The following MARF1 variants were observed in gnomAD, a reference collection of about 807,000 sequenced individuals.
MARF1 encodes the protein limkain-b1.
A neutral mutation model predicts 168.2 loss-of-function variants in MARF1; 24 were observed. The observed-to-expected ratio is 0.14, with a 90% CI of 0.10 to 0.20. The LOEUF is 0.20. Among genes scored for constraint, MARF1 ranks in the 10% least tolerant of loss-of-function variants. The pLI is 1.00. For synonymous variants in MARF1, 868 were observed against 822.4 expected, an observed-to-expected ratio of 1.06 and a Z score of -0.95; for missense variants, 1,744 against 2,143.6, an observed-to-expected ratio of 0.81 and a Z score of 3.68.
intron 5 of MARF1, among the ~76,000 whole-genome samples, chr16:15,633,169 A>T (rs1353972295): frequency 7.1e-6 from 1 of 140,094 alleles, no homozygotes; most frequent in Non-Finnish European, 1.5e-5. Context: ...AAAAAAAAAA[A>T]AAACACCACA....
At chr16:15,605,100 CTGG>C (rs1156784950) in intron 21 of MARF1, among the ~76,000 whole-genome samples, 2 of 152,242 alleles carry the variant, frequency 1.3e-5, no homozygotes, top group Non-Finnish European at 2.9e-5. Context: ...AAACACGCAT[CTGG>C]TGACTGAGCC....
chr16:15,603,341 C>G (rs1427852037), intron 22 of MARF1, among the ~76,000 whole-genome samples: 1 of 151,988 alleles, frequency 6.6e-6, no homozygotes, highest in Non-Finnish European at 1.5e-5. Context: ...CAGCCTAGAA[C>G]AGTATTTTTT....
At chr16:15,620,556 G>A (rs1229941647) in intron 12 of MARF1, 25 bp from the exon 13 acceptor site, 1 of 1,472,460 alleles carries the variant, frequency 6.8e-7, no homozygotes, top group African/African-American at 1.4e-5. Flanking sequence ...TTTGATTAGG[G>A]AACAGACCAT....
chr16:15,602,171 C>T lies in MARF1; in HGVS notation c.4446G>A (p.Val1482=), dbSNP rs746318439. ...CAAACAAATACAGACTTGTGAGCTT[C>T]ACACATTCTTCCATCTTATCATTAG... The part of the protein sequence containing the change: ...VFTNDKMEEC[V]KLTSLYLFAK... The change falls in exon 23 of 27, where the codon GTG becomes GTA. Residue 1482 remains valine, a synonymous_variant. Coordinates refer to ENST00000396368, the MANE Select transcript of MARF1 (RefSeq NM_014647.4). 6.2e-7 allele frequency: 1 copy of T among 1,614,146 alleles called. No homozygotes were observed.
intron 4 of MARF1, among the ~76,000 whole-genome samples, 167 bp from the exon 5 acceptor site, chr16:15,634,010 C>T (rs1484105579): frequency 6.6e-6 from 1 of 152,258 alleles, no homozygotes; most frequent in South Asian, 2.1e-4. Context: ...AGCAATCAAG[C>T]TGTCAAAAAG....
chr16:15,626,509 T>C (rs1385634753), intron 7 of MARF1, among the ~76,000 whole-genome samples: 1 of 152,202 alleles, frequency 6.6e-6, no homozygotes, highest in Non-Finnish European at 1.5e-5. Flanking sequence ...CTGGGAATAC[T>C]AGGAGCTATA....
rs190582651 is a variant in MARF1, at chr16:15,637,333, C to T, written c.145-991G>A. ...GGGGGCCCTGCTACAGTGACTGAGA[C>T]GTGCTCACCGTTCACAGCATATGAG... On this transcript the variant is annotated intron_variant, in intron 2 of 26. Coordinates refer to ENST00000396368, the MANE Select transcript of MARF1 (RefSeq NM_014647.4). 2.6e-4 allele frequency among the ~76,000 whole-genome samples: 39 copies of T among 152,344 alleles called. No individual in the cohort carries two copies. In the East Asian group the frequency reaches 6.0e-3, roughly 23 times the overall value.
chr16:15,615,306 G>A (rs536723480), intron 16 of MARF1, among the ~76,000 whole-genome samples: 1 of 151,920 alleles, frequency 6.6e-6, no homozygotes, highest in South Asian at 2.1e-4. Flanking sequence ...GAGCAGCCTG[G>A]ACAACACAGC....
At chr16:15,599,768 C>T (rs2032215180) in intron 25 of MARF1, among the ~76,000 whole-genome samples, 1 of 152,162 alleles carries the variant, frequency 6.6e-6, no homozygotes, top group East Asian at 1.9e-4. Context: ...AATATTAATG[C>T]ATTAGTATAT....
intron 1 of MARF1, 50 bp from the exon 2 acceptor site, chr16:15,639,341 AT>A: frequency 8.4e-7 from 1 of 1,193,352 alleles, no homozygotes; most frequent in Non-Finnish European, 1.2e-6. Flanking sequence ...ATAAGTACAA[AT>A]TTTACAACAT....
Position 15,633,690 on chromosome 16 carries a change from T to G in MARF1, c.1160A>C (p.Glu387Ala), listed in dbSNP as rs756715580. The G allele has an allele frequency of 6.2e-7, 1 of 1,614,092 alleles. No homozygotes were observed. The highest frequency in any genetic ancestry group is 8.5e-7 in the Non-Finnish European group (1 of 1,179,972). Reference sequence around the variant, plus strand: ...GTCACATACACAGATGAATTCTGCTTCTCTGTGGCCTTTAAAAAACTTCTC... The same window carrying G: ...GTCACATACACAGATGAATTCTGCTGCTCTGTGGCCTTTAAAAAACTTCTC... ...IREKFFKGHR[E>A]AEFICVCDIS... The change falls in exon 5 of 27, where the codon GAA (glutamate) becomes GCA (alanine). Residue 387 changes from glutamate to alanine, a missense_variant. Glu to Ala is a moderately radical substitution (Grantham distance 107, BLOSUM62 -1). This residue lies in a region of MARF1 where 217 missense variants were observed against 372.4 expected (regional missense o/e 0.58). Coordinates refer to ENST00000396368, the MANE Select transcript of MARF1 (RefSeq NM_014647.4).
chr16:15,639,013 G>T, intron 2 of MARF1, 77 bp downstream of exon 2: 1 of 1,435,512 alleles, frequency 7.0e-7, no homozygotes, highest in Non-Finnish European at 9.5e-7. Flanking sequence ...ATGAGAGACT[G>T]TATCCCAGAC....
intron 20 of MARF1, 171 bp from the exon 21 acceptor site, chr16:15,608,689 T>C: frequency 1.6e-6 from 1 of 607,684 alleles, no homozygotes; most frequent in East Asian, 2.7e-5. Context: ...TGCATAACAA[T>C]GTGAATGTGC....
chr16:15,618,153 G>A (rs761995246), intron 13 of MARF1, among the ~76,000 whole-genome samples: 1 of 152,128 alleles, frequency 6.6e-6, no homozygotes, highest in Non-Finnish European at 1.5e-5. Context: ...TGATGATAGC[G>A]CCTATCTCAC....
chr16:15,609,482 T>G, intron 20 of MARF1, 41 bp downstream of exon 20: 1 of 1,526,624 alleles, frequency 6.6e-7, no homozygotes, highest in Non-Finnish European at 9.1e-7. Flanking sequence ...CTATACGTTG[T>G]TCAGAAAAAT....
intron 2 of MARF1, among the ~76,000 whole-genome samples, chr16:15,637,707 T>A (rs1023669457): frequency 6.6e-6 from 1 of 152,148 alleles, no homozygotes; most frequent in South Asian, 2.1e-4. Context: ...GGACCAGATC[T>A]ACCACCCCAT....
chr16:15,621,558 A>T, intron 12 of MARF1, 175 bp downstream of exon 12: 1 of 653,024 alleles, frequency 1.5e-6, no homozygotes. Context: ...TTGATTAATG[A>T]CTTAGACAAG....
In MARF1 at chr16:15,611,129, T is replaced by C. The variant is rs199519859; in HGVS notation, c.3618-21A>G. On this transcript the variant is annotated intron_variant, in intron 18 of 26. Coordinates refer to ENST00000396368, the MANE Select transcript of MARF1 (RefSeq NM_014647.4). ...AACACCTAGGTTTTAACAACGGAAG[T>C]GGATACGGAATGAGTAGTATCATCG... 1,869 of 1,612,168 alleles carry C rather than the reference T, an allele frequency of 1.2e-3. 2 individuals carry two copies. Among genetic ancestry groups the C allele is most frequent in the Non-Finnish European group, 1.5e-3 (1,731 of 1,178,602 alleles).
intron 5 of MARF1, among the ~76,000 whole-genome samples, chr16:15,632,880 T>C (rs2035340763): frequency 6.6e-6 from 1 of 152,184 alleles, no homozygotes; most frequent in African/African-American, 2.4e-5. Context: ...CCAAGTGATC[T>C]TAAACAAGTT....
Sources: allele counts gnomAD v4.1 joint callset (sites outside exome capture counted in the v4.1 genomes callset), GRCh38; gene constraint gnomAD v4.1.1; regional missense constraint gnomAD v4.1.1; transcripts MANE v1.5; gene names NCBI Gene and HGNC (gene_info 2026-07-23, HGNC 2026-07-21).